Variants in FSTL4 observed in about 807,000 individuals in gnomAD.
FSTL4 encodes the protein follistatin-related protein 4.
FSTL4 carries 28 observed loss-of-function variants against 78.2 expected under a neutral mutation model. That is an observed-to-expected ratio of 0.36 (90% CI 0.27 to 0.49). The LOEUF (loss-of-function observed/expected upper bound fraction) is 0.49, where lower values mean the gene tolerates loss of function less well. Ranked by LOEUF, FSTL4 falls within the 20% of genes least tolerant of loss-of-function variation. FSTL4 has a pLI of 0.98. For missense variants in FSTL4, 922 were observed against 1,084.9 expected (o/e 0.85, Z 2.11); for synonymous variants, 422 against 440.5 (o/e 0.96, Z 0.53).
the FSTL4 span, among the ~76,000 whole-genome samples, chr5:133,797,546 A>G: frequency 5.6e-4 from 86 of 152,290 alleles, 2 homozygotes; most frequent in East Asian, 0.016. Context: ...AAACTCCAAA[A>G]GAGAGGGGGT....
the FSTL4 span, among the ~76,000 whole-genome samples, chr5:133,831,631 T>C: frequency 2.6e-5 from 4 of 152,218 alleles, no homozygotes; most frequent in African/African-American, 7.2e-5. Context: ...CAAGGGCCCT[T>C]ATATCCTCTG....
chr5:133,744,622 C>T, the FSTL4 span, among the ~76,000 whole-genome samples: 9 of 152,304 alleles, frequency 5.9e-5, no homozygotes, highest in Non-Finnish European at 1.3e-4. Flanking sequence ...TCCCTGGAAG[C>T]ATAATATTAC....
chr5:133,322,226 C>T (rs1322282872), intron 4 of FSTL4, among the ~76,000 whole-genome samples: 1 of 114,658 alleles, frequency 8.7e-6, no homozygotes, highest in Non-Finnish European at 1.7e-5. Flanking sequence ...CACACACACC[C>T]ACACACACAC....
the FSTL4 span, among the ~76,000 whole-genome samples, chr5:133,838,467 G>A: frequency 6.6e-6 from 1 of 152,294 alleles, no homozygotes; most frequent in Non-Finnish European, 1.5e-5. Flanking sequence ...TGGCTGAGCT[G>A]GACGATTCTG....
intron 8 of FSTL4, among the ~76,000 whole-genome samples, chr5:133,231,822 G>A (rs1485592029): frequency 1.3e-5 from 2 of 152,210 alleles, no homozygotes; most frequent in Non-Finnish European, 2.9e-5. Flanking sequence ...TTATAGGCGT[G>A]AGCCAGCACA....
At chr5:133,304,069 C>T (rs1400210142) in intron 6 of FSTL4, among the ~76,000 whole-genome samples, 1 of 152,198 alleles carries the variant, frequency 6.6e-6, no homozygotes, top group Non-Finnish European at 1.5e-5. Flanking sequence ...ACATCCTAAG[C>T]CCGTCAACAC....
the FSTL4 span, among the ~76,000 whole-genome samples, chr5:133,805,313 C>T: frequency 6.6e-6 from 1 of 152,090 alleles, no homozygotes; most frequent in South Asian, 2.1e-4. Flanking sequence ...AAAGAGCCTC[C>T]GCCTCCACTC....
intron 3 of FSTL4, among the ~76,000 whole-genome samples, chr5:133,463,929 A>T (rs1757648333): frequency 6.6e-6 from 1 of 152,210 alleles, no homozygotes; most frequent in South Asian, 2.1e-4. Flanking sequence ...TGGCATTACA[A>T]ATTTGGTGCA....
intron 3 of FSTL4, among the ~76,000 whole-genome samples, chr5:133,436,885 G>GAT (rs1267308404): frequency 6.6e-6 from 1 of 152,230 alleles, no homozygotes; most frequent in Non-Finnish European, 1.5e-5. Context: ...ATGTGATTAT[G>GAT]AGAGTCTTGT....
chr5:133,741,562 G>A, the FSTL4 span, among the ~76,000 whole-genome samples: 1 of 152,216 alleles, frequency 6.6e-6, no homozygotes, highest in Admixed American at 6.5e-5. Flanking sequence ...GGGAGCGGGG[G>A]CAAGAAAAGT....
intron 3 of FSTL4, among the ~76,000 whole-genome samples, chr5:133,424,033 A>G (rs1278146284): frequency 6.6e-6 from 1 of 152,198 alleles, no homozygotes; most frequent in Non-Finnish European, 1.5e-5. Context: ...CCCGCAGACC[A>G]GCAGGGCCGA....
At position 133,287,257 on chromosome 5, in the gene FSTL4, G is replaced by A. The variant is rs532328186; in HGVS notation, c.727+25397C>T. Among the ~76,000 whole-genome samples, 135 of 152,044 alleles carry A rather than the reference G, an allele frequency of 8.9e-4. 1 individual carries two copies. Among genetic ancestry groups the A allele is most frequent in the African/African-American group, 3.1e-3 (128 of 41,492 alleles). ...CAAAAAATTAGCCAGGTGTGGTGGC[G>A]GGCGCCTGTAGTCCCAGCTACTCGG... On this transcript the variant is annotated intron_variant, in intron 6 of 15. Coordinates refer to ENST00000265342, the MANE Select transcript of FSTL4 (RefSeq NM_015082.2).
At chr5:133,401,356 AAAG>A (rs1222883039) in intron 3 of FSTL4, among the ~76,000 whole-genome samples, 2 of 152,242 alleles carry the variant, frequency 1.3e-5, no homozygotes, top group Non-Finnish European at 2.9e-5. Context: ...CCGTGCTCAC[AAAG>A]AAGCACCTTG....
the FSTL4 span, among the ~76,000 whole-genome samples, chr5:133,739,552 A>G: frequency 2.0e-5 from 3 of 152,088 alleles, no homozygotes; most frequent in African/African-American, 7.2e-5. Context: ...AAATCATGCA[A>G]CTGGGTCTTT....
At chr5:133,511,447 G>C (rs1758729105) in intron 3 of FSTL4, among the ~76,000 whole-genome samples, 1 of 152,028 alleles carries the variant, frequency 6.6e-6, no homozygotes, top group Non-Finnish European at 1.5e-5. Context: ...AAACTGTCTT[G>C]ACCGCAGACC....
chr5:133,463,733 A>G (rs897265890), intron 3 of FSTL4, among the ~76,000 whole-genome samples: 1 of 152,214 alleles, frequency 6.6e-6, no homozygotes, highest in African/African-American at 2.4e-5. Context: ...TGACTTTAAT[A>G]TATCCTGGCA....
chr5:133,204,758 C>A lies in FSTL4; in HGVS notation c.1717-2716G>T, dbSNP rs1221681366. 2.7e-5 allele frequency among the ~76,000 whole-genome samples: 4 copies of A among 150,040 alleles called. No individual in the cohort carries two copies. In the South Asian group the frequency reaches 8.5e-4, roughly 32 times the overall value. ...GAGGCACGAGAATTGTTTGTTTGAACCCGGGAAGAGGAGGTTGCAGTGAGC... is the reference window on the plus strand; with the variant it reads ...GAGGCACGAGAATTGTTTGTTTGAAACCGGGAAGAGGAGGTTGCAGTGAGC... On this transcript the variant is annotated intron_variant, in intron 14 of 15. Transcript: ENST00000265342.
At chr5:133,204,537 T>TTACTC (rs1287654170) in intron 14 of FSTL4, among the ~76,000 whole-genome samples, 2 of 152,086 alleles carry the variant, frequency 1.3e-5, no homozygotes, top group East Asian at 3.9e-4. Flanking sequence ...GGATCAAAAA[T>TTACTC]TACTCTTTCA....
At chr5:133,562,252 C>G (rs1052168070) in intron 3 of FSTL4, among the ~76,000 whole-genome samples, 1 of 152,252 alleles carries the variant, frequency 6.6e-6, no homozygotes, top group East Asian at 1.9e-4. Flanking sequence ...AGACAGTCAG[C>G]CACTTCACAT....
Sources: allele counts gnomAD v4.1 joint callset (sites outside exome capture counted in the v4.1 genomes callset), GRCh38; gene constraint gnomAD v4.1.1; transcripts MANE v1.5; gene names NCBI Gene and HGNC (gene_info 2026-07-23, HGNC 2026-07-21).